Variants in CBL observed in about 807,000 individuals in gnomAD.
The protein encoded by CBL is E3 ubiquitin-protein ligase CBL.
CBL carries 45 observed loss-of-function variants against 96.9 expected under a neutral mutation model. The observed-to-expected ratio is 0.46, with a 90% confidence interval of 0.37 to 0.60. The LOEUF (loss-of-function observed/expected upper bound fraction) is 0.60. Ranked by LOEUF, CBL falls within the 20% of genes least tolerant of loss-of-function variation. The probability of loss-of-function intolerance (pLI) is 0.00; values close to 1 mark genes in which losing one functional copy is unlikely to be tolerated. For synonymous variants in CBL, 420 were observed against 426.8 expected, an observed-to-expected ratio of 0.98 and a Z score of 0.20; for missense variants, 1,024 against 1,143.5, an observed-to-expected ratio of 0.90 and a Z score of 1.51.
At chr11:119,286,350 T>C (rs1431582465) in intron 11 of CBL, among the ~76,000 whole-genome samples, 1 of 152,220 alleles carries the variant, frequency 6.6e-6, no homozygotes, top group African/African-American at 2.4e-5. Context: ...TTGTAAATAT[T>C]GCAGTAAATG....
chr11:119,298,276 A>G (rs1950077002), intron 14 of CBL, 82 bp from the exon 15 acceptor site: 2 of 1,270,690 alleles, frequency 1.6e-6, no homozygotes, highest in East Asian at 4.6e-5. Flanking sequence ...CATACATGTA[A>G]AAATGAATGG....
At chr11:119,218,869 T>A (rs558868178) in intron 1 of CBL, among the ~76,000 whole-genome samples, 1 of 152,192 alleles carries the variant, frequency 6.6e-6, no homozygotes, top group Non-Finnish European at 1.5e-5. Flanking sequence ...AAGAAAAAAC[T>A]CATATTCCGA....
chr11:119,249,617 G>T (rs1286912280), intron 2 of CBL, among the ~76,000 whole-genome samples: 4 of 150,644 alleles, frequency 2.7e-5, no homozygotes, highest in Non-Finnish European at 5.9e-5. Flanking sequence ...AAAGGGAAAG[G>T]AAAGTGACTA....
At position 119,225,046 on chromosome 11, in the gene CBL, T is replaced by TGG. The variant is rs200223100; in HGVS notation, c.196-7399_196-7398dup. Among the ~76,000 whole-genome samples the TGG allele has an allele frequency of 6.7e-3, 1,020 of 151,138 alleles. 6 individuals are homozygous for TGG. The highest frequency in any genetic ancestry group is 0.022 in the African/African-American group (897 of 40,910). On this transcript the variant is annotated intron_variant, in intron 1 of 15. Coordinates refer to ENST00000264033, the MANE Select transcript of CBL (RefSeq NM_005188.4). ...GTACTCCGTTTTATCCTAAACTCTT[T>TGG]GGGGTGTGTGTGTGTGTGTGTGTGT...
chr11:119,235,007 G>A (rs1051060578), intron 2 of CBL, among the ~76,000 whole-genome samples: 6 of 152,152 alleles, frequency 3.9e-5, no homozygotes, highest in African/African-American at 1.4e-4. Flanking sequence ...CTGGAAAGAC[G>A]GGTTGAAGTC....
chr11:119,208,550 C>G (rs772517027), intron 1 of CBL, among the ~76,000 whole-genome samples: 3 of 151,948 alleles, frequency 2.0e-5, no homozygotes, highest in Non-Finnish European at 4.4e-5. Context: ...CCACCACGCC[C>G]AGCTAATTTT....
rs1950090038 is a variant in CBL, at chr11:119,299,872, A to G, written c.*91A>G. 1 of 1,265,304 alleles carries G rather than the reference A, an allele frequency of 7.9e-7. No individual in the cohort carries two copies. 78.4% of individuals were successfully genotyped at this position (1,265,304 alleles called of 1,614,324 possible). A position where few individuals can be genotyped will look rare whatever the true frequency, so the allele number is the denominator to read the frequency against. On this transcript the variant is annotated 3_prime_UTR_variant, in exon 16 of 16. Coordinates refer to ENST00000264033, the MANE Select transcript of CBL (RefSeq NM_005188.4). ...TAGAAGGGCAGGAGTTCCTTTGGTG[A>G]CTTCACAGTGAAGTCTTGCCCTCTC... is the stretch of plus-strand genomic sequence containing the variant.
chr11:119,210,614 T>TCAA (rs1462276404), intron 1 of CBL, among the ~76,000 whole-genome samples: 17 of 146,760 alleles, frequency 1.2e-4, no homozygotes, highest in Non-Finnish European at 2.3e-4. Flanking sequence ...TTTTTTTTTT[T>TCAA]TTTTTTTTTT....
Position 119,307,666 on chromosome 11 carries a change from T to G in CBL, c.*7885T>G, listed in dbSNP as rs1591276917. On this transcript the variant is annotated 3_prime_UTR_variant, in exon 16 of 16. Transcript: ENST00000264033. Reference sequence around the variant, plus strand: ...ACCCTTTCCTCAGTTTTCCCCTGCCTTTAACTAATAAAGAATTGGGAGACA... The same window carrying G: ...ACCCTTTCCTCAGTTTTCCCCTGCCGTTAACTAATAAAGAATTGGGAGACA... The G allele has an allele frequency of 4.8e-5, 11 of 227,528 alleles. No homozygotes were observed. In the East Asian group the frequency reaches 7.0e-4, roughly 14 times the overall value. The allele number at this position is 227,528 out of a possible 1,614,324, so 14.1% of individuals were successfully genotyped here. A position where few individuals can be genotyped will look rare whatever the true frequency, so the allele number is the denominator to read the frequency against.
In CBL at chr11:119,282,109, G is replaced by A. The variant is rs961778356; in HGVS notation, c.1432-2860G>A. Reference sequence around the variant, plus strand: ...TCCCAGCACTTTGGGAGGCCGAAGCGGGCAGATCACCTGAGATCAGAAGTT... The same window carrying A: ...TCCCAGCACTTTGGGAGGCCGAAGCAGGCAGATCACCTGAGATCAGAAGTT... On this transcript the variant is annotated intron_variant, in intron 9 of 15. Coordinates refer to ENST00000264033, the MANE Select transcript of CBL (RefSeq NM_005188.4). Among the ~76,000 whole-genome samples, 6 of 145,182 alleles carry A rather than the reference G, an allele frequency of 4.1e-5. No homozygotes were observed. The South Asian group carries it at 8.3e-4, about 20-fold the overall frequency.
intron 2 of CBL, among the ~76,000 whole-genome samples, chr11:119,247,265 AAGCAGACAAGAT>A (rs1282563289): frequency 1.3e-5 from 2 of 152,246 alleles, no homozygotes; most frequent in African/African-American, 2.4e-5. Flanking sequence ...TAAGATCATG[AAGCAGACAAGAT>A]AGCCTACTTT....
In CBL at chr11:119,274,113, G is replaced by A. The variant is rs1592398558; in HGVS notation, c.747+89G>A. 8 of 1,003,478 alleles carry A rather than the reference G, an allele frequency of 8.0e-6. No individual in the cohort carries two copies. The East Asian group carries it at 1.7e-4, about 21-fold the overall frequency. 62.2% of individuals were successfully genotyped at this position (1,003,478 alleles called of 1,614,324 possible). On this transcript the variant is annotated intron_variant, in intron 4 of 15. Transcript: ENST00000264033. ...TTTTTTTTTTTAAATAACATTTGGG[G>A]TTTTTGTCTGTATGAAAGTATTTTA...
chr11:119,274,747 G>T (rs1284508124), intron 4 of CBL, 85 bp from the exon 5 acceptor site: 1 of 1,215,312 alleles, frequency 8.2e-7, no homozygotes, highest in Non-Finnish European at 1.2e-6. Flanking sequence ...ACTGAGAGTT[G>T]GTGTTGTTTT....
rs994833014 is a variant in CBL, at chr11:119,287,914, A to T, written c.2004A>T (p.Ser668=). The T allele has an allele frequency of 2.5e-6, 4 of 1,613,490 alleles. No individual in the cohort carries two copies. In the African/African-American group the frequency reaches 4.0e-5, roughly 16 times the overall value. Residue 668 remains serine (S), a synonymous_variant, in exon 12 of 16, where the codon TCA becomes TCT. Coordinates refer to ENST00000264033, the MANE Select transcript of CBL (RefSeq NM_005188.4). ...ACCACCCCAAAATCAAACCTTCCTC[A>T]TCTGCCAATGCCATTTATTCTCTGG... The part of the protein sequence containing the change: ...ECDHPKIKPS[S]SANAIYSLAA...
chr11:119,298,219 T>A, intron 14 of CBL, 139 bp from the exon 15 acceptor site: 1 of 781,580 alleles, frequency 1.3e-6, no homozygotes, highest in South Asian at 1.4e-5. Flanking sequence ...ACATGGTGTT[T>A]GGCCCACAGT....
chr11:119,271,868 G>C lies in CBL; in HGVS notation c.577G>C (p.Ala193Pro), dbSNP rs778255715. Reference sequence around the variant, plus strand: ...AGATGCTGCGGAATTTTGGAGAAAAGCTTTTGGGGAAAAGTAAGTCTCAGA... The same window carrying C: ...AGATGCTGCGGAATTTTGGAGAAAACCTTTTGGGGAAAAGTAAGTCTCAGA... ...KADAAEFWRK[A>P]FGEKTIVPWK... The change falls in exon 3 of 16, where the codon GCT (alanine) becomes CCT (proline). Residue 193 changes from alanine (A) to proline (P), a missense_variant. This residue lies in a region of CBL where 192 missense variants were observed against 321.8 expected (regional missense o/e 0.60). Transcript: ENST00000264033. 1.2e-6 allele frequency: 2 copies of C among 1,613,956 alleles called. No homozygotes were observed. Among genetic ancestry groups the C allele is most frequent in the East Asian group, 2.2e-5 (1 of 44,852 alleles).
chr11:119,252,138 G>GAA (rs749779924), intron 2 of CBL, among the ~76,000 whole-genome samples: 5 of 134,982 alleles, frequency 3.7e-5, no homozygotes, highest in Admixed American at 1.5e-4. Context: ...TACAGAAATG[G>GAA]AAAAAAAAAA....
chr11:119,254,455 C>T (rs911745994), intron 2 of CBL, among the ~76,000 whole-genome samples: 2 of 152,092 alleles, frequency 1.3e-5, no homozygotes, highest in East Asian at 1.9e-4. Flanking sequence ...CTAGGCTATA[C>T]GGTAGAGCTT....
At chr11:119,208,852 T>G (rs1246558790) in intron 1 of CBL, among the ~76,000 whole-genome samples, 1 of 152,240 alleles carries the variant, frequency 6.6e-6, no homozygotes, top group Admixed American at 6.5e-5. Flanking sequence ...GAATTTTGAT[T>G]TATTCTGCAG....
Sources: gnomAD v4.1 joint callset for allele counts (sites outside exome capture counted in the v4.1 genomes callset) on GRCh38, gnomAD v4.1.1 for gene constraint, gnomAD v4.1.1 regional missense constraint, MANE v1.5 for transcripts, NCBI Gene and HGNC (gene_info 2026-07-23, HGNC 2026-07-21) for gene names.